The following GRAMD2B variants were observed in gnomAD, a reference collection of about 807,000 sequenced individuals.
GRAMD2B encodes the protein GRAM domain containing 2B.
A neutral mutation model predicts 59.2 loss-of-function variants in GRAMD2B; 41 were observed. The observed-to-expected ratio is 0.69, with a 90% CI of 0.54 to 0.90. The LOEUF is 0.90. Ranked by LOEUF, GRAMD2B falls within the 40% of genes least tolerant of loss-of-function variation. The pLI, the probability that GRAMD2B is intolerant of heterozygous loss-of-function variation, is 0.00. For missense variants in GRAMD2B, 424 were observed against 500.5 expected (o/e 0.85, Z 1.46); for synonymous variants, 161 against 182.7 (o/e 0.88, Z 0.96).
intron 1 of GRAMD2B, among the ~76,000 whole-genome samples, chr5:126,381,252 A>G (rs1360322995): frequency 6.6e-6 from 1 of 152,176 alleles, no homozygotes; most frequent in Non-Finnish European, 1.5e-5. Flanking sequence ...TATAAAACCC[A>G]CTTGATCATG....
At chr5:126,466,934 T>C (rs995648854) in intron 2 of GRAMD2B, among the ~76,000 whole-genome samples, 22 of 152,168 alleles carry the variant, frequency 1.4e-4, no homozygotes, top group African/African-American at 5.3e-4. Context: ...GTTCCTGCAG[T>C]TGGAAAGGGC....
intron 1 of GRAMD2B, among the ~76,000 whole-genome samples, chr5:126,430,488 A>T (rs1014121527): frequency 1.3e-5 from 2 of 152,140 alleles, no homozygotes; most frequent in African/African-American, 4.8e-5. Flanking sequence ...CTCCAGTGAT[A>T]TCCCTCAGGT....
Position 126,485,759 on chromosome 5 carries a change from A to G in GRAMD2B, c.1044A>G (p.Ile348Met). The G allele has an allele frequency of 1.3e-6, 2 of 1,598,244 alleles. No homozygotes were observed. The highest frequency in any genetic ancestry group is 1.7e-6 in the Non-Finnish European group (2 of 1,167,728). The change falls in exon 11 of 14, where the codon ATA (isoleucine) becomes ATG (methionine). Residue 348 changes from isoleucine to methionine, a missense_variant. By Grantham distance (10) the Ile-to-Met change is conservative. Transcript: ENST00000285689. Reference protein sequence around the residue: ...QKCPMLHHILIFYAIVVCALI... With the variant: ...QKCPMLHHILMFYAIVVCALI... ...GTCCGATGCTTCACCATATTCTTAT[A>G]TTCTATGCAATTGTGTAAGTACATG...
At position 126,493,176 on chromosome 5, in the gene GRAMD2B, C is replaced by A; in HGVS notation, c.*220C>A. On this transcript the variant is annotated 3_prime_UTR_variant, in exon 14 of 14. Transcript: ENST00000285689. ...CCTTGACTCTCTGAGGAAGATTTTG[C>A]TGCTTTTGCCTGAAGAAAACAGACC... is the stretch of plus-strand genomic sequence containing the variant. The A allele has an allele frequency of 1.9e-6, 1 of 537,016 alleles. No individual in the cohort carries two copies. The allele number at this position is 537,016 out of a possible 1,614,324, so 33.3% of individuals were successfully genotyped here.
intron 1 of GRAMD2B, among the ~76,000 whole-genome samples, chr5:126,453,165 T>C (rs1006190919): frequency 6.6e-5 from 10 of 152,048 alleles, no homozygotes; most frequent in African/African-American, 2.4e-4. Context: ...TGAAATTCTG[T>C]CTCTATTAAA....
At chr5:126,388,318 A>C (rs112386557) in intron 1 of GRAMD2B, among the ~76,000 whole-genome samples, 2,325 of 152,230 alleles carry the variant, frequency 0.015, 78 homozygotes, top group African/African-American at 0.054. Flanking sequence ...GGCTGCAGTG[A>C]GCCATATTCA....
At chr5:126,480,304 A>C (rs1771475976) in intron 6 of GRAMD2B, 152 bp from the exon 7 acceptor site, 2 of 573,912 alleles carry the variant, frequency 3.5e-6, no homozygotes, top group African/African-American at 3.8e-5. Context: ...ATAAAAATGG[A>C]ATGTTTGAGT....
chr5:126,399,460 G>A (rs1258907917), intron 1 of GRAMD2B, among the ~76,000 whole-genome samples: 1 of 152,076 alleles, frequency 6.6e-6, no homozygotes, highest in Non-Finnish European at 1.5e-5. Flanking sequence ...TAGTGTGTGA[G>A]TTCTCACAAG....
At chr5:126,483,978 G>T (rs1255165341) in intron 9 of GRAMD2B, among the ~76,000 whole-genome samples, 2 of 152,124 alleles carry the variant, frequency 1.3e-5, no homozygotes, top group Non-Finnish European at 2.9e-5. Flanking sequence ...ACAGGCATGC[G>T]CCATCAAGCC....
At chr5:126,379,828 T>C (rs961327396) in intron 1 of GRAMD2B, among the ~76,000 whole-genome samples, 2 of 152,220 alleles carry the variant, frequency 1.3e-5, no homozygotes. Flanking sequence ...GATGTATAGA[T>C]TGTGAAGATT....
chr5:126,374,417 A>T (rs1405820056), intron 1 of GRAMD2B, among the ~76,000 whole-genome samples: 1 of 152,084 alleles, frequency 6.6e-6, no homozygotes, highest in East Asian at 1.9e-4. Flanking sequence ...AGAGGTCACT[A>T]TCGTTTTCTT....
chr5:126,427,239 C>T (rs1368666390), intron 1 of GRAMD2B, among the ~76,000 whole-genome samples: 2 of 152,194 alleles, frequency 1.3e-5, no homozygotes, highest in Non-Finnish European at 2.9e-5. Context: ...TTAGGTATTT[C>T]TCCTAATGCA....
At chr5:126,450,119 G>A (rs1449444601) in intron 1 of GRAMD2B, among the ~76,000 whole-genome samples, 1 of 151,910 alleles carries the variant, frequency 6.6e-6, no homozygotes, top group Non-Finnish European at 1.5e-5. Context: ...GGGTATAGGA[G>A]GAAAGAAAGA....
chr5:126,421,945 G>A (rs1308651057), upstream of GRAMD2B, among the ~76,000 whole-genome samples: 2 of 152,072 alleles, frequency 1.3e-5, no homozygotes, highest in Non-Finnish European at 2.9e-5. Context: ...TTTTTTCCCA[G>A]GCATGTCATG....
intron 1 of GRAMD2B, among the ~76,000 whole-genome samples, chr5:126,409,863 G>A (rs1252721465): frequency 1.3e-5 from 2 of 151,964 alleles, no homozygotes; most frequent in East Asian, 3.9e-4. Context: ...ATTAATTTTT[G>A]TATAAGGTGT....
intron 1 of GRAMD2B, among the ~76,000 whole-genome samples, chr5:126,375,535 A>T (rs1330557170): frequency 1.3e-5 from 2 of 151,806 alleles, no homozygotes; most frequent in East Asian, 1.9e-4. Context: ...ACACCTGGCT[A>T]ATTTTTTTGT....
chr5:126,480,598 G>A, intron 7 of GRAMD2B, 29 bp from the exon 8 acceptor site: 2 of 1,610,288 alleles, frequency 1.2e-6, no homozygotes, highest in Non-Finnish European at 8.5e-7. Context: ...TAGTTAATCT[G>A]GCTTTTCGTT....
At chr5:126,445,522 A>C (rs56154004) in intron 1 of GRAMD2B, 23,066 of 151,878 alleles carry the variant, frequency 0.15, 3,944 homozygotes, top group African/African-American at 0.43. Flanking sequence ...TTGCTGACAC[A>C]AAGTATTGAC....
rs750313002 is a variant in GRAMD2B at position 126,477,733 on chromosome 5, C to T, written c.528C>T (p.Thr176=). Residue 176 remains threonine (T), a synonymous_variant, in exon 6 of 14, where the codon ACC becomes ACT. Transcript: ENST00000285689. ...PAFSVTLIKK[T]KTALLVPNAL... ...TCTCGGTAACCCTAATAAAGAAAAC[C>T]AAAACTGCTCTTCTAGTGCCAAACG... The T allele has an allele frequency of 3.7e-6, 6 of 1,612,466 alleles. No individual in the cohort carries two copies. In the East Asian group the frequency reaches 1.3e-4, roughly 36 times the overall value.
Sources: gnomAD v4.1 joint callset for allele counts (sites outside exome capture counted in the v4.1 genomes callset) on GRCh38, gnomAD v4.1.1 for gene constraint, MANE v1.5 for transcripts, NCBI Gene and HGNC (gene_info 2026-07-23, HGNC 2026-07-21) for gene names.